Variants in ATP2A2 observed in about 807,000 individuals in gnomAD.
ATP2A2 encodes ATPase sarcoplasmic/endoplasmic reticulum Ca2+ transporting 2, also known as sarcoplasmic/endoplasmic reticulum calcium ATPase 2.
ATP2A2 carries 14 observed loss-of-function variants against 109.3 expected under a neutral mutation model. The observed-to-expected ratio is 0.13, with a 90% confidence interval of 0.08 to 0.20. The LOEUF is 0.20. Ranked by LOEUF, ATP2A2 falls within the 10% of genes least tolerant of loss-of-function variation. The probability of loss-of-function intolerance (pLI) is 1.00; values close to 1 mark genes in which losing one functional copy is unlikely to be tolerated. For synonymous variants in ATP2A2, 506 were observed against 490.9 expected, an observed-to-expected ratio of 1.03 and a Z score of -0.41; for missense variants, 657 against 1,321.6, an observed-to-expected ratio of 0.50 and a Z score of 7.80.
In ATP2A2 at chr12:110,340,843, C is replaced by T. The variant is rs986027862; in HGVS notation, c.1946C>T (p.Ser649Leu). 3.1e-6 allele frequency: 5 copies of T among 1,614,112 alleles called. No individual in the cohort carries two copies. Among genetic ancestry groups the T allele is most frequent in the Non-Finnish European group, 4.2e-6 (5 of 1,180,050 alleles). The change falls in exon 14 of 20, where the codon TCA (serine) becomes TTA (leucine). Residue 649 changes from serine (S) to leucine (L), a missense_variant. Physicochemically the swap from Ser to Leu is moderately radical, Grantham distance 145. Transcript: ENST00000539276. The surrounding 1 kb of genome is among the most constrained non-coding windows in gnomAD (Gnocchi z 6.0). The part of the protein sequence containing the change: ...GIFGQDEDVT[S>L]KAFTGREFDE... ...TTCGGGCAGGATGAGGACGTGACGT[C>T]AAAAGCTTTCACAGGCCGGGAGTTT...
Position 110,349,642 on chromosome 12 carries a change from T to A in ATP2A2, c.*3172T>A. On this transcript the variant is annotated 3_prime_UTR_variant, in exon 20 of 20. Transcript: ENST00000539276. ...GACTGAGGTGGGCAGACCTAAGACC[T>A]GAGACCACAAGATTAGCTCAGTGTC... 2.0e-6 allele frequency: 2 copies of A among 987,544 alleles called. No homozygotes were observed. The highest frequency in any genetic ancestry group is 2.4e-6 in the Non-Finnish European group (2 of 831,188). The allele number at this position is 987,544 out of a possible 1,614,324, so 61.2% of individuals were successfully genotyped here. A position where few individuals can be genotyped will look rare whatever the true frequency, so the allele number is the denominator to read the frequency against.
At position 110,339,830 on chromosome 12, in the gene ATP2A2, G is replaced by A; in HGVS notation, c.1761+109G>A. On this transcript the variant is annotated intron_variant, in intron 13 of 19. Transcript: ENST00000539276. This position sits in a 1 kb window ranked among gnomAD's most constrained non-coding sequence, Gnocchi z 4.4. ...AGTTCTCACTTTTGCCAAGAAAGAG[G>A]TGTGGTTATTTGTTTTTCTGCCTGC... 1 of 1,250,912 alleles carries A rather than the reference G, an allele frequency of 8.0e-7. No homozygotes were observed. The highest frequency in any genetic ancestry group is 1.1e-6 in the Non-Finnish European group (1 of 876,492). The allele number at this position is 1,250,912 out of a possible 1,614,324, so 77.5% of individuals were successfully genotyped here.
Position 110,339,860 on chromosome 12 carries a change from T to A in ATP2A2, c.1761+139T>A, listed in dbSNP as rs1879184327. 1.1e-6 allele frequency: 1 copy of A among 880,464 alleles called. No individual in the cohort carries two copies. Among genetic ancestry groups the A allele is most frequent in the Non-Finnish European group, 1.8e-6 (1 of 557,680 alleles). 54.5% of individuals were successfully genotyped at this position (880,464 alleles called of 1,614,324 possible). Reference sequence around the variant, plus strand: ...GTTATTTGTTTTTCTGCCTGCCAGCTGTGTCACCCTTAAAATTTGCTGCTT... The same window carrying A: ...GTTATTTGTTTTTCTGCCTGCCAGCAGTGTCACCCTTAAAATTTGCTGCTT... On this transcript the variant is annotated intron_variant, in intron 13 of 19. Transcript: ENST00000539276. The surrounding 1 kb of genome is among the most constrained non-coding windows in gnomAD (Gnocchi z 4.4).
Position 110,340,764 on chromosome 12 carries a change from A to G in ATP2A2, c.1867A>G (p.Ile623Val). Residue 623 changes from isoleucine (I) to valine (V), a missense_variant, in exon 14 of 20, where the codon ATC (isoleucine) becomes GTC (valine). By Grantham distance (29) the Ile-to-Val change is conservative. Around this residue, in one of 9 missense-constraint regions of ATP2A2, gnomAD observed 180 missense variants for 329.1 expected, o/e 0.55. Transcript: ENST00000539276. The surrounding 1 kb of genome is among the most constrained non-coding windows in gnomAD (Gnocchi z 6.0). Reference protein sequence around the residue: ...CRQAGIRVIMITGDNKGTAVA... With the variant: ...CRQAGIRVIMVTGDNKGTAVA... The stretch of plus-strand genomic sequence containing the variant: ...GCAAGCAGGCATCCGGGTCATCATG[A>G]TCACTGGGGACAACAAGGGCACTGC... 6.2e-7 allele frequency: 1 copy of G among 1,614,016 alleles called. No individual in the cohort carries two copies. The highest frequency in any genetic ancestry group is 8.5e-7 in the Non-Finnish European group (1 of 1,179,988).
intron 5 of ATP2A2, among the ~76,000 whole-genome samples, chr12:110,300,818 G>A (rs1322276283): frequency 1.3e-5 from 2 of 151,648 alleles, no homozygotes; most frequent in African/African-American, 4.8e-5. Context: ...ATAATAGATA[G>A]GAGAGTGTGT....
In ATP2A2 at chr12:110,340,835, C is replaced by A. The variant is rs746668766; in HGVS notation, c.1938C>A (p.Asp646Glu). The change falls in exon 14 of 20, where the codon GAC (aspartate) becomes GAA (glutamate). Residue 646 changes from aspartate (D) to glutamate (E), a missense_variant. Transcript: ENST00000539276. This position sits in a 1 kb window ranked among gnomAD's most constrained non-coding sequence, Gnocchi z 6.0. ...RRIGIFGQDE[D>E]VTSKAFTGRE... is the part of the protein sequence containing the mutation. ...TCGGCATCTTCGGGCAGGATGAGGA[C>A]GTGACGTCAAAAGCTTTCACAGGCC... The A allele has an allele frequency of 2.7e-5, 43 of 1,614,220 alleles. No individual in the cohort carries two copies. Among genetic ancestry groups the A allele is most frequent in the Non-Finnish European group, 3.6e-5 (42 of 1,180,046 alleles).
chr12:110,316,958 G>A (rs1335469463), intron 5 of ATP2A2, among the ~76,000 whole-genome samples: 8 of 152,132 alleles, frequency 5.3e-5, no homozygotes, highest in African/African-American at 1.2e-4. Flanking sequence ...AGGAGATCAC[G>A]TTTGCCATTT....
rs976052058 is a variant in ATP2A2, at chr12:110,346,573, C to T, written c.*103C>T. On this transcript the variant is annotated 3_prime_UTR_variant, in exon 20 of 20. Transcript: ENST00000539276. ...CTGAATTTTCACATGAACATACTGG[C>T]TGGTGATGGAGGTTTCATACTCTAG... 7 of 1,554,346 alleles carry T rather than the reference C, an allele frequency of 4.5e-6. No individual in the cohort carries two copies. The African/African-American group carries it at 9.6e-5, about 21-fold the overall frequency.
rs1234717340 is a variant in ATP2A2 at position 110,340,551 on chromosome 12, A to AT, written c.1762-108_1762-107insT. 9.0e-4 allele frequency: 1,169 copies of AT among 1,297,818 alleles called. 3 individuals are homozygous for AT. The highest frequency in any genetic ancestry group is 9.2e-4 in the Non-Finnish European group (850 of 925,276). 80.4% of individuals were successfully genotyped at this position (1,297,818 alleles called of 1,614,324 possible). On this transcript the variant is annotated intron_variant, in intron 13 of 19. Coordinates refer to ENST00000539276, the MANE Select transcript of ATP2A2 (RefSeq NM_170665.4). This position sits in a 1 kb window ranked among gnomAD's most constrained non-coding sequence, Gnocchi z 6.0. ...GAAACTCCGCCTCAAAAAAAAAAAA[A>AT]GAAAAAAAATGCAGAAACCTGTCTC...
intron 5 of ATP2A2, among the ~76,000 whole-genome samples, chr12:110,301,674 A>C (rs1874660914): frequency 6.6e-6 from 1 of 152,156 alleles, no homozygotes; most frequent in East Asian, 1.9e-4. Flanking sequence ...GTGGTTTCTT[A>C]AAGGTTGTGT....
chr12:110,345,776 A>C, intron 18 of ATP2A2: 1 of 633,406 alleles, frequency 1.6e-6, no homozygotes, highest in Middle Eastern at 4.2e-4. Context: ...CTTTGAACCC[A>C]CTAAGATGGG....
chr12:110,315,156 G>A (rs778387749), intron 5 of ATP2A2, among the ~76,000 whole-genome samples: 7 of 152,190 alleles, frequency 4.6e-5, no homozygotes, highest in South Asian at 2.1e-4. Context: ...GTGAGCCATC[G>A]CGCCCGGCAA....
At chr12:110,323,627 T>C (rs1237171693) in intron 6 of ATP2A2, among the ~76,000 whole-genome samples, 2 of 152,118 alleles carry the variant, frequency 1.3e-5, no homozygotes, top group Admixed American at 6.5e-5. Context: ...CTGGGCAACA[T>C]GGCAAAACCC....
chr12:110,304,844 A>T (rs990153984), intron 5 of ATP2A2, among the ~76,000 whole-genome samples: 1 of 152,170 alleles, frequency 6.6e-6, no homozygotes, highest in Non-Finnish European at 1.5e-5. Context: ...CAAAGACTTT[A>T]TATATTAGCC....
chr12:110,292,247 A>G, intron 4 of ATP2A2, 123 bp downstream of exon 4: 1 of 783,734 alleles, frequency 1.3e-6, no homozygotes, highest in South Asian at 1.5e-5. Context: ...CGGGAAGTTT[A>G]CATGTATTTT....
In ATP2A2 at chr12:110,350,611, G is replaced by A. The variant is rs578189367; in HGVS notation, c.*4141G>A. On this transcript the variant is annotated 3_prime_UTR_variant, in exon 20 of 20. Transcript: ENST00000539276. ...AACCTTATCTAAGAACTTGGAAGCC[G>A]TCAGCCAAGTCGCCACATTTCTCTG... 29 of 474,190 alleles carry A rather than the reference G, an allele frequency of 6.1e-5. No homozygotes were observed. The highest frequency in any genetic ancestry group is 3.5e-4 in the African/African-American group (18 of 51,700). The allele number at this position is 474,190 out of a possible 1,614,324, so 29.4% of individuals were successfully genotyped here.
intron 5 of ATP2A2, among the ~76,000 whole-genome samples, chr12:110,310,257 G>A (rs968006902): frequency 2.6e-5 from 4 of 151,768 alleles, no homozygotes; most frequent in African/African-American, 9.7e-5. Flanking sequence ...AAAGTGCTGG[G>A]ATTACAGGCA....
chr12:110,304,777 T>A (rs1875082754), intron 5 of ATP2A2, among the ~76,000 whole-genome samples: 1 of 152,202 alleles, frequency 6.6e-6, no homozygotes, highest in Admixed American at 6.5e-5. Context: ...ACTTATACAT[T>A]GTTGTTGCTT....
chr12:110,337,881 T>G (rs184363662), intron 11 of ATP2A2, among the ~76,000 whole-genome samples: 1 of 152,236 alleles, frequency 6.6e-6, no homozygotes, highest in African/African-American at 2.4e-5. Flanking sequence ...CTATGCAGTA[T>G]TATACTGGCA....
Sources: gnomAD v4.1 joint callset for allele counts (sites outside exome capture counted in the v4.1 genomes callset) on GRCh38, gnomAD v4.1.1 for gene constraint, gnomAD v4.1.1 regional missense constraint, Gnocchi (gnomAD v3.1) non-coding constraint, MANE v1.5 for transcripts, NCBI Gene and HGNC (gene_info 2026-07-23, HGNC 2026-07-21) for gene names.